Variants in PACRG observed in about 807,000 individuals in gnomAD.
PACRG encodes parkin coregulated gene protein.
PACRG carries 29 observed loss-of-function variants against 29.7 expected under a neutral mutation model. That is an observed-to-expected ratio of 0.98 (90% CI 0.73 to 1.33). PACRG has a LOEUF of 1.33. PACRG is among the 40% of genes most tolerant of loss of function. The pLI is 0.00. For missense variants in PACRG, 279 were observed against 316.2 expected (o/e 0.88, Z 0.89); for synonymous variants, 116 against 118.7 (o/e 0.98, Z 0.15).
At chr6:163,034,563 G>A (rs752587703) in intron 2 of PACRG, among the ~76,000 whole-genome samples, 11 of 152,134 alleles carry the variant, frequency 7.2e-5, no homozygotes, top group South Asian at 2.1e-4. Flanking sequence ...ACTCCCCTAA[G>A]TTGGGCCTCT....
intron 4 of PACRG, among the ~76,000 whole-genome samples, chr6:163,232,830 C>G (rs575252166): frequency 6.6e-6 from 1 of 152,198 alleles, no homozygotes; most frequent in Non-Finnish European, 1.5e-5. Flanking sequence ...CCCCAGCTCA[C>G]GCTCCCAGGA....
chr6:163,287,367 G>A (rs2128185727), intron 4 of PACRG, among the ~76,000 whole-genome samples: 1 of 152,288 alleles, frequency 6.6e-6, no homozygotes, highest in African/African-American at 2.4e-5. Flanking sequence ...ACCAGGAAGA[G>A]CCAGTTTCCC....
chr6:162,735,503 C>T (rs768710023), intron 1 of PACRG, among the ~76,000 whole-genome samples: 128 of 152,258 alleles, frequency 8.4e-4, no homozygotes, highest in Non-Finnish European at 1.3e-3. Context: ...AAGTTAACAA[C>T]TTCTTCATAT....
At chr6:163,062,841 T>A (rs1024651234) in intron 3 of PACRG, among the ~76,000 whole-genome samples, 1 of 152,320 alleles carries the variant, frequency 6.6e-6, no homozygotes, top group African/African-American at 2.4e-5. Context: ...ATTGGCTTTG[T>A]CTGTGAAATG....
At chr6:163,028,757 C>A (rs971557403) in intron 2 of PACRG, among the ~76,000 whole-genome samples, 1 of 152,114 alleles carries the variant, frequency 6.6e-6, no homozygotes, top group African/African-American at 2.4e-5. Flanking sequence ...TCAATGATCT[C>A]AATTATTTTT....
At chr6:163,200,213 A>G (rs1336674194) in intron 4 of PACRG, among the ~76,000 whole-genome samples, 1 of 152,202 alleles carries the variant, frequency 6.6e-6, no homozygotes, top group Non-Finnish European at 1.5e-5. Context: ...TATTAAAAAT[A>G]CAGAAAAAAA....
chr6:162,886,012 T>C (rs982194629), intron 2 of PACRG, among the ~76,000 whole-genome samples: 2 of 152,360 alleles, frequency 1.3e-5, no homozygotes, highest in South Asian at 2.1e-4. Context: ...TTGTAAGTTC[T>C]TTCTGATGCA....
At chr6:162,743,075 G>A (rs1354955617) in intron 1 of PACRG, among the ~76,000 whole-genome samples, 1 of 152,106 alleles carries the variant, frequency 6.6e-6, no homozygotes, top group Non-Finnish European at 1.5e-5. Flanking sequence ...TCTAACAAGT[G>A]TGAATATCTC....
chr6:163,095,521 G>C (rs1459088760), intron 4 of PACRG: 1 of 828,850 alleles, frequency 1.2e-6, no homozygotes, highest in African/African-American at 1.9e-5. Context: ...AGTTCTGGAG[G>C]CTACGAGTTA....
At chr6:162,897,495 C>T (rs942476338) in intron 2 of PACRG, among the ~76,000 whole-genome samples, 4 of 152,148 alleles carry the variant, frequency 2.6e-5, no homozygotes, top group African/African-American at 9.7e-5. Context: ...AGATTTATTC[C>T]TCCAGGGAGT....
chr6:163,277,258 G>GTACC (rs1562354402), intron 4 of PACRG, among the ~76,000 whole-genome samples: 1 of 151,792 alleles, frequency 6.6e-6, no homozygotes, highest in Non-Finnish European at 1.5e-5. Flanking sequence ...TCACCACCAC[G>GTACC]TACCCTTCCC....
intron 3 of PACRG, among the ~76,000 whole-genome samples, chr6:163,082,562 G>T (rs1330195671): frequency 1.3e-5 from 2 of 152,104 alleles, no homozygotes; most frequent in Non-Finnish European, 2.9e-5. Context: ...GTTTTTAAAA[G>T]CGCTTATCTT....
At chr6:162,941,080 TC>T (rs1798596743) in intron 2 of PACRG, among the ~76,000 whole-genome samples, 1 of 150,400 alleles carries the variant, frequency 6.6e-6, no homozygotes, top group Non-Finnish European at 1.5e-5. Flanking sequence ...GTGTGTGTGA[TC>T]ATGCATACAC....
intron 1 of PACRG, among the ~76,000 whole-genome samples, chr6:162,729,861 A>G (rs1236568918): frequency 6.6e-6 from 1 of 152,090 alleles, no homozygotes; most frequent in African/African-American, 2.4e-5. Flanking sequence ...TGTAATAAGT[A>G]TGCCTACATG....
intron 4 of PACRG, among the ~76,000 whole-genome samples, chr6:163,120,018 T>C (rs569391142): frequency 6.6e-6 from 1 of 152,300 alleles, no homozygotes; most frequent in East Asian, 1.9e-4. Context: ...TTTTGTAGAG[T>C]ATTAGTTTTC....
At chr6:162,968,545 A>C (rs1470159324) in intron 2 of PACRG, among the ~76,000 whole-genome samples, 1 of 152,210 alleles carries the variant, frequency 6.6e-6, no homozygotes, top group Non-Finnish European at 1.5e-5. Flanking sequence ...AAGCAGTAGG[A>C]ATGATACACA....
At chr6:162,735,666 G>A (rs563596044) in intron 1 of PACRG, among the ~76,000 whole-genome samples, 1 of 152,122 alleles carries the variant, frequency 6.6e-6, no homozygotes, top group Non-Finnish European at 1.5e-5. Context: ...AGTATTGTAT[G>A]TATTGCAACT....
At chr6:162,753,749 T>G (rs1332651940) in intron 1 of PACRG, among the ~76,000 whole-genome samples, 1 of 152,174 alleles carries the variant, frequency 6.6e-6, no homozygotes, top group African/African-American at 2.4e-5. Context: ...TCTCTCTGTC[T>G]CTTTCCTGCC....
chr6:163,106,327 T>G (rs940789344), intron 4 of PACRG, among the ~76,000 whole-genome samples: 1 of 152,190 alleles, frequency 6.6e-6, no homozygotes, highest in Admixed American at 6.5e-5. Context: ...ATCATTCAGC[T>G]ATATTGGTTT....
Sources: allele counts gnomAD v4.1 joint callset (sites outside exome capture counted in the v4.1 genomes callset), GRCh38; gene constraint gnomAD v4.1.1; transcripts MANE v1.5; gene names NCBI Gene and HGNC (gene_info 2026-07-23, HGNC 2026-07-21).